The following CACNB2 variants were observed in gnomAD, a reference collection of about 807,000 sequenced individuals.
CACNB2 encodes voltage-dependent L-type calcium channel subunit beta-2.
In CACNB2, 42 loss-of-function variants were observed where a neutral mutation model predicts 73.3. The observed-to-expected ratio is 0.57, with a 90% CI of 0.45 to 0.74. The LOEUF is 0.74. Among genes scored for constraint, CACNB2 ranks in the 30% least tolerant of loss-of-function variants. CACNB2 has a pLI of 0.00. For synonymous variants in CACNB2, 348 were observed against 310.3 expected, an observed-to-expected ratio of 1.12 and a Z score of -1.28; for missense variants, 940 against 853.0, an observed-to-expected ratio of 1.10 and a Z score of -1.27.
intron 3 of CACNB2, among the ~76,000 whole-genome samples, chr10:18,439,030 C>T (rs12258967): frequency 1.3e-5 from 2 of 152,118 alleles, no homozygotes; most frequent in South Asian, 2.1e-4. Flanking sequence ...CTACCCTCTT[C>T]GGTGTAGTAT....
chr10:18,228,041 A>G (rs1460655666), intron 2 of CACNB2, among the ~76,000 whole-genome samples: 1 of 152,220 alleles, frequency 6.6e-6, no homozygotes, highest in Non-Finnish European at 1.5e-5. Context: ...AGGGTAGGGG[A>G]CAGCCTTTTC....
chr10:18,271,938 G>T (rs1035799620), intron 2 of CACNB2, among the ~76,000 whole-genome samples: 6 of 152,126 alleles, frequency 3.9e-5, no homozygotes, highest in Admixed American at 3.3e-4. Context: ...AACCTACCCT[G>T]ATTTCCAAAC....
intron 2 of CACNB2, among the ~76,000 whole-genome samples, chr10:18,278,536 A>G (rs1280378074): frequency 6.6e-6 from 1 of 151,970 alleles, no homozygotes; most frequent in East Asian, 1.9e-4. Flanking sequence ...AGAGAAAAAC[A>G]AAGAAAATGA....
intron 12 of CACNB2, among the ~76,000 whole-genome samples, chr10:18,536,693 G>A (rs189065143): frequency 6.6e-6 from 1 of 152,132 alleles, no homozygotes; most frequent in Non-Finnish European, 1.5e-5. Context: ...TTGAGCACAA[G>A]TAATCCAAAC....
intron 7 of CACNB2, among the ~76,000 whole-genome samples, chr10:18,516,846 A>G (rs1330466751): frequency 6.6e-6 from 1 of 150,914 alleles, no homozygotes; most frequent in African/African-American, 2.4e-5. Flanking sequence ...ACTGTATTCT[A>G]CCTTGATTGT....
intron 3 of CACNB2, among the ~76,000 whole-genome samples, chr10:18,479,174 A>T (rs2048591332): frequency 6.6e-6 from 1 of 152,226 alleles, no homozygotes; most frequent in African/African-American, 2.4e-5. Context: ...CTGTGTGTAC[A>T]TATTGTTATC....
intron 3 of CACNB2, among the ~76,000 whole-genome samples, chr10:18,493,620 C>T (rs928994730): frequency 4.6e-5 from 7 of 152,252 alleles, no homozygotes; most frequent in South Asian, 2.1e-4. Context: ...TAAAGAATGG[C>T]GCTCTTACCC....
At chr10:18,301,361 G>C (rs941633863) in intron 2 of CACNB2, among the ~76,000 whole-genome samples, 1 of 152,144 alleles carries the variant, frequency 6.6e-6, no homozygotes, top group African/African-American at 2.4e-5. Flanking sequence ...TTAGGAGGCT[G>C]AGGTGGGAAG....
rs75406365 is a variant in CACNB2, at chr10:18,236,647, A to G, written c.213+85672A>G. Among the ~76,000 whole-genome samples, 626 of 152,312 alleles carry G rather than the reference A, an allele frequency of 4.1e-3. 1 individual carries two copies. Among genetic ancestry groups the G allele is most frequent in the Non-Finnish European group, 7.2e-3 (493 of 68,020 alleles). On this transcript the variant is annotated intron_variant, in intron 2 of 13. Transcript: ENST00000324631. ...TTGCCAAATAGACATATCATACCAGAAGACATGTGTTTGTGTTATTAAAAA... is the reference window on the plus strand; with the variant it reads ...TTGCCAAATAGACATATCATACCAGGAGACATGTGTTTGTGTTATTAAAAA...
intron 2 of CACNB2, among the ~76,000 whole-genome samples, chr10:18,295,773 G>A (rs1342643083): frequency 9.9e-5 from 15 of 152,110 alleles, no homozygotes; most frequent in Admixed American, 9.8e-4. Flanking sequence ...TTAAGTATGT[G>A]CATGTTATTA....
chr10:18,451,082 A>G (rs1266835086), intron 3 of CACNB2, among the ~76,000 whole-genome samples: 1 of 152,210 alleles, frequency 6.6e-6, no homozygotes, highest in Non-Finnish European at 1.5e-5. Flanking sequence ...AATCTATTAA[A>G]GTCAGCTCTA....
At chr10:18,519,703 TC>T (rs1485590060) in intron 9 of CACNB2, 1 of 456,156 alleles carries the variant, frequency 2.2e-6, no homozygotes, top group East Asian at 7.0e-5. Context: ...CATTTTTTTT[TC>T]TTTTCTTTAC....
At chr10:18,517,434 C>T (rs7918933) in intron 7 of CACNB2, among the ~76,000 whole-genome samples, 118,080 of 152,116 alleles carry the variant, frequency 0.78, 46,037 homozygotes, top group East Asian at 0.98. Flanking sequence ...AAAGTGTTGA[C>T]AGTTTTAGAA....
chr10:18,507,999 C>G (rs1276540428), intron 6 of CACNB2, among the ~76,000 whole-genome samples: 1 of 151,818 alleles, frequency 6.6e-6, no homozygotes, highest in Non-Finnish European at 1.5e-5. Flanking sequence ...GTTCTTGAAA[C>G]TCCTGGGTTC....
intron 2 of CACNB2, among the ~76,000 whole-genome samples, chr10:18,359,744 C>T (rs1244670060): frequency 1.3e-5 from 2 of 151,958 alleles, no homozygotes; most frequent in Non-Finnish European, 2.9e-5. Flanking sequence ...CTAATGCTGT[C>T]CCTCCTCTAG....
intron 2 of CACNB2, among the ~76,000 whole-genome samples, chr10:18,283,477 A>G (rs2038646482): frequency 6.6e-6 from 1 of 152,192 alleles, no homozygotes; most frequent in South Asian, 2.1e-4. Flanking sequence ...ACACCATGGA[A>G]CACTATGCAG....
intron 2 of CACNB2, among the ~76,000 whole-genome samples, chr10:18,243,064 T>G (rs1446781545): frequency 1.3e-5 from 2 of 151,220 alleles, no homozygotes; most frequent in African/African-American, 2.4e-5. Flanking sequence ...TATATTGAGA[T>G]AAAGACTAAA....
intron 2 of CACNB2, among the ~76,000 whole-genome samples, chr10:18,323,068 T>A (rs1045541615): frequency 1.3e-5 from 2 of 150,210 alleles, no homozygotes; most frequent in African/African-American, 4.9e-5. Flanking sequence ...GTTCAAGCAG[T>A]CTCCAGCCTC....
intron 2 of CACNB2, among the ~76,000 whole-genome samples, chr10:18,246,478 A>G (rs2036865011): frequency 6.6e-6 from 1 of 152,136 alleles, no homozygotes; most frequent in African/African-American, 2.4e-5. Context: ...GGCTCTGTGT[A>G]TTGGTCCCCA....
Sources: allele counts gnomAD v4.1 joint callset (sites outside exome capture counted in the v4.1 genomes callset), GRCh38; gene constraint gnomAD v4.1.1; transcripts MANE v1.5; gene names NCBI Gene and HGNC (gene_info 2026-07-23, HGNC 2026-07-21).